Variants in DAAM1 observed in about 807,000 individuals in gnomAD.
The protein encoded by DAAM1 is dishevelled associated activator of morphogenesis 1, also known as disheveled-associated activator of morphogenesis 1.
In DAAM1, 52 loss-of-function variants were observed where a neutral mutation model predicts 130.0. The observed-to-expected ratio is 0.40, with a 90% CI of 0.32 to 0.50. DAAM1 has a LOEUF of 0.50. DAAM1 is among the 20% of genes least tolerant of loss of function. The pLI is 0.61. For synonymous variants in DAAM1, 452 were observed against 444.5 expected, an observed-to-expected ratio of 1.02 and a Z score of -0.21; for missense variants, 1,134 against 1,303.8, an observed-to-expected ratio of 0.87 and a Z score of 2.01.
chr14:59,201,417 G>C (rs1888101063), intron 1 of DAAM1, among the ~76,000 whole-genome samples: 1 of 152,074 alleles, frequency 6.6e-6, no homozygotes, highest in Non-Finnish European at 1.5e-5. Context: ...GAGGTCAGGA[G>C]CTCGAGACCA....
chr14:59,347,570 G>A lies in DAAM1; in HGVS notation c.2107G>A (p.Ala703Thr), dbSNP rs779157795. The change falls in exon 17 of 25, where the codon GCA (alanine) becomes ACA (threonine). Residue 703 changes from alanine to threonine, a missense_variant. Around this residue, in one of 3 missense-constraint regions of DAAM1, gnomAD observed 644 missense variants for 695.9 expected, o/e 0.93. Coordinates refer to ENST00000360909, the MANE Select transcript of DAAM1 (RefSeq NM_001270520.2). ...LKLSNDEIKR[A>T]ILTMDEQEDL... is the part of the protein sequence containing the mutation. Reference sequence around the variant, plus strand: ...ATTATCCAATGACGAAATCAAACGGGCAATTCTAACAATGGACGAACAGGA... The same window carrying A: ...ATTATCCAATGACGAAATCAAACGGACAATTCTAACAATGGACGAACAGGA... 6.2e-7 allele frequency: 1 copy of A among 1,613,850 alleles called. No homozygotes were observed. The highest frequency in any genetic ancestry group is 1.1e-5 in the South Asian group (1 of 91,038).
intron 3 of DAAM1, among the ~76,000 whole-genome samples, chr14:59,310,079 G>A (rs1884522018): frequency 6.6e-6 from 1 of 150,844 alleles, no homozygotes; most frequent in Admixed American, 6.6e-5. Context: ...GATTGGACTG[G>A]TGTTACCTAG....
chr14:59,204,417 T>G (rs1888198810), intron 1 of DAAM1, among the ~76,000 whole-genome samples: 1 of 152,214 alleles, frequency 6.6e-6, no homozygotes. Flanking sequence ...GATGTTTGCT[T>G]TCTTCCATGC....
intron 3 of DAAM1, among the ~76,000 whole-genome samples, chr14:59,306,554 C>T (rs72726367): frequency 0.013 from 1,957 of 152,212 alleles, 25 homozygotes; most frequent in Middle Eastern, 0.027. Context: ...AAAATGCTGC[C>T]GTGTCTTTGG....
chr14:59,273,935 G>A (rs1882837352), intron 2 of DAAM1, among the ~76,000 whole-genome samples: 1 of 152,148 alleles, frequency 6.6e-6, no homozygotes, highest in South Asian at 2.1e-4. Flanking sequence ...CATGGATGGT[G>A]TTTTTCAGGT....
At chr14:59,212,092 A>G (rs1177449160) in intron 1 of DAAM1, among the ~76,000 whole-genome samples, 1 of 152,182 alleles carries the variant, frequency 6.6e-6, no homozygotes, top group Non-Finnish European at 1.5e-5. Context: ...TTCTAAATGG[A>G]TAAAACTTTG....
chr14:59,207,352 G>A (rs1399799706), intron 1 of DAAM1, among the ~76,000 whole-genome samples: 2 of 152,176 alleles, frequency 1.3e-5, no homozygotes, highest in African/African-American at 4.8e-5. Flanking sequence ...GTGAGTTTCT[G>A]CCTCTACAGA....
At chr14:59,242,073 A>G (rs1881148107) in intron 1 of DAAM1, among the ~76,000 whole-genome samples, 1 of 152,214 alleles carries the variant, frequency 6.6e-6, no homozygotes, top group Admixed American at 6.5e-5. Flanking sequence ...TGCCTCTTTA[A>G]GGATAAACAG....
intron 1 of DAAM1, among the ~76,000 whole-genome samples, chr14:59,252,087 C>G (rs954763775): frequency 6.6e-6 from 1 of 152,196 alleles, no homozygotes; most frequent in Non-Finnish European, 1.5e-5. Context: ...TTAGCTCTCT[C>G]TAAACATTTT....
intron 1 of DAAM1, among the ~76,000 whole-genome samples, chr14:59,244,061 C>T (rs562376316): frequency 4.6e-5 from 7 of 152,228 alleles, no homozygotes; most frequent in African/African-American, 1.7e-4. Context: ...TTGTAGCTCC[C>T]ATAGTTCCCA....
intron 2 of DAAM1, among the ~76,000 whole-genome samples, chr14:59,277,358 G>C (rs17096015): frequency 0.21 from 31,825 of 151,920 alleles, 3,442 homozygotes; most frequent in East Asian, 0.33. Flanking sequence ...GAATTGGTAA[G>C]GTTTCTTTGT....
At chr14:59,248,847 G>C (rs912656758) in intron 1 of DAAM1, among the ~76,000 whole-genome samples, 13 of 152,054 alleles carry the variant, frequency 8.5e-5, no homozygotes, top group African/African-American at 1.4e-4. Context: ...GCAGTGGTGC[G>C]ATCTCGGCTC....
At chr14:59,239,636 C>A (rs1023269480) in intron 1 of DAAM1, among the ~76,000 whole-genome samples, 4 of 151,874 alleles carry the variant, frequency 2.6e-5, no homozygotes, top group Non-Finnish European at 5.9e-5. Context: ...CCCACCGCGC[C>A]CCCACCCCGA....
chr14:59,224,378 T>G (rs544746658), intron 1 of DAAM1, among the ~76,000 whole-genome samples: 4 of 152,368 alleles, frequency 2.6e-5, no homozygotes, highest in Admixed American at 2.6e-4. Context: ...TTTCAAATCC[T>G]TGATGGTGGC....
chr14:59,203,157 AATT>A (rs1888162520), intron 1 of DAAM1, among the ~76,000 whole-genome samples: 2 of 88,344 alleles, frequency 2.3e-5, no homozygotes, highest in African/African-American at 7.5e-5. Flanking sequence ...ACTTCTGGCT[AATT>A]TTTTTTTTTT....
intron 1 of DAAM1, among the ~76,000 whole-genome samples, chr14:59,225,030 T>G (rs977323433): frequency 1.4e-5 from 2 of 139,668 alleles, no homozygotes; most frequent in African/African-American, 2.7e-5. Context: ...TTTTTTTTTT[T>G]TTTTTTTTTT....
chr14:59,242,779 C>T (rs1332229038), intron 1 of DAAM1, among the ~76,000 whole-genome samples: 4 of 152,100 alleles, frequency 2.6e-5, no homozygotes, highest in Admixed American at 2.0e-4. Context: ...AGGATGGTCT[C>T]GATCTCTTGA....
At chr14:59,213,538 A>G (rs1253028503) in intron 1 of DAAM1, among the ~76,000 whole-genome samples, 1 of 152,106 alleles carries the variant, frequency 6.6e-6, no homozygotes, top group Non-Finnish European at 1.5e-5. Context: ...TCCTAAAACT[A>G]AAGGAGGATG....
At chr14:59,304,846 G>C (rs1431714626) in intron 3 of DAAM1, among the ~76,000 whole-genome samples, 1 of 152,124 alleles carries the variant, frequency 6.6e-6, no homozygotes, top group East Asian at 1.9e-4. Context: ...TCCCTGAATG[G>C]CATATGCCTT....
Sources: gnomAD v4.1 joint callset for allele counts (sites outside exome capture counted in the v4.1 genomes callset) on GRCh38, gnomAD v4.1.1 for gene constraint, gnomAD v4.1.1 regional missense constraint, MANE v1.5 for transcripts, NCBI Gene and HGNC (gene_info 2026-07-23, HGNC 2026-07-21) for gene names.